The following CDH13 variants were observed in gnomAD, a reference collection of about 807,000 sequenced individuals.
The protein encoded by CDH13 is cadherin 13, also known as cadherin-13.
In CDH13, 24 loss-of-function variants were observed where a neutral mutation model predicts 63.8. The observed-to-expected ratio is 0.38, with a 90% CI of 0.27 to 0.53. CDH13 has a LOEUF of 0.53. Ranked by LOEUF, CDH13 falls within the 20% of genes least tolerant of loss-of-function variation. The probability of loss-of-function intolerance (pLI) is 0.85; values close to 1 mark genes in which losing one functional copy is unlikely to be tolerated. For synonymous variants in CDH13, 503 were observed against 355.3 expected (o/e 1.42, Z -4.67); for missense variants, 1,049 against 903.1 (o/e 1.16, Z -2.07).
intron 7 of CDH13, among the ~76,000 whole-genome samples, chr16:83,586,987 G>A (rs573089189): frequency 6.6e-6 from 1 of 152,248 alleles, no homozygotes; most frequent in South Asian, 2.1e-4. Context: ...CCTGTCCATG[G>A]CTAGAGTGGG....
At position 83,219,609 on chromosome 16, in the gene CDH13, A is replaced by G. The variant is rs536028203; in HGVS notation, c.636+2112A>G. Among the ~76,000 whole-genome samples the G allele has an allele frequency of 3.3e-5, 5 of 152,350 alleles. No individual in the cohort carries two copies. In the South Asian group the frequency reaches 1.0e-3, roughly 32 times the overall value. ...AATCAATGATATTAAAGGTGAAGGA[A>G]GGTAAGTGAAAACCCAAAGGATTCC... is the stretch of plus-strand genomic sequence containing the variant. On this transcript the variant is annotated intron_variant, in intron 5 of 13. Transcript: ENST00000567109.
At chr16:82,957,925 T>C (rs186066864) in intron 2 of CDH13, among the ~76,000 whole-genome samples, 47 of 152,376 alleles carry the variant, frequency 3.1e-4, no homozygotes, top group Middle Eastern at 3.4e-3. Flanking sequence ...CCAGTGTTTA[T>C]TTCTTCATAA....
chr16:82,631,589 C>G (rs751056108), intron 1 of CDH13, among the ~76,000 whole-genome samples: 22 of 151,742 alleles, frequency 1.4e-4, no homozygotes, highest in Admixed American at 4.6e-4. Flanking sequence ...AATATAATTC[C>G]CCACAGCCCG....
At chr16:83,779,382 G>A (rs1348513258) in intron 11 of CDH13, among the ~76,000 whole-genome samples, 2 of 118,052 alleles carry the variant, frequency 1.7e-5, no homozygotes, top group Non-Finnish European at 3.2e-5. Flanking sequence ...ACTCCAGCCC[G>A]GGCGACAGCG....
At chr16:83,497,649 C>G (rs2074177443) in intron 7 of CDH13, among the ~76,000 whole-genome samples, 1 of 151,356 alleles carries the variant, frequency 6.6e-6, no homozygotes, top group African/African-American at 2.4e-5. Flanking sequence ...TACCCTAAAA[C>G]TTTAATAAAA....
chr16:83,227,256 A>C (rs967199762), intron 5 of CDH13, among the ~76,000 whole-genome samples: 1 of 152,190 alleles, frequency 6.6e-6, no homozygotes, highest in Non-Finnish European at 1.5e-5. Flanking sequence ...CACCTGTAGC[A>C]CTGTGGCATG....
At chr16:83,050,726 C>T (rs369333092) in intron 3 of CDH13, among the ~76,000 whole-genome samples, 15 of 152,100 alleles carry the variant, frequency 9.9e-5, no homozygotes, top group Non-Finnish European at 2.1e-4. Context: ...TTTCACTTGC[C>T]TCTCGGGGTT....
intron 3 of CDH13, among the ~76,000 whole-genome samples, chr16:83,092,397 T>A (rs571847295): frequency 4.6e-5 from 7 of 152,236 alleles, no homozygotes; most frequent in Non-Finnish European, 8.8e-5. Flanking sequence ...GGACACATTT[T>A]CATGAGGCAA....
At chr16:83,527,404 T>A (rs1029860733) in intron 7 of CDH13, among the ~76,000 whole-genome samples, 5 of 150,960 alleles carry the variant, frequency 3.3e-5, no homozygotes. Flanking sequence ...AGCCGAGATC[T>A]GGCCACTGCA....
chr16:83,452,054 G>A (rs60201572), intron 6 of CDH13, among the ~76,000 whole-genome samples: 15,925 of 151,986 alleles, frequency 0.1, 2,627 homozygotes, highest in African/African-American at 0.35. Context: ...TCATCTGCCC[G>A]GTCAGCCCTA....
At chr16:83,441,195 A>G (rs1211198837) in intron 6 of CDH13, among the ~76,000 whole-genome samples, 1 of 151,954 alleles carries the variant, frequency 6.6e-6, no homozygotes, top group African/African-American at 2.4e-5. Flanking sequence ...TCTTCCAGAG[A>G]CTCCTCTCGC....
chr16:83,519,207 A>G (rs1296983059), intron 7 of CDH13, among the ~76,000 whole-genome samples: 3 of 152,168 alleles, frequency 2.0e-5, no homozygotes, highest in Non-Finnish European at 2.9e-5. Flanking sequence ...AAGGAGAAAT[A>G]CCAGGAGTCT....
chr16:82,842,119 T>TAC (rs2039044222), intron 1 of CDH13, among the ~76,000 whole-genome samples: 1 of 46,494 alleles, frequency 2.2e-5, no homozygotes, highest in Non-Finnish European at 5.1e-5. Context: ...TATGTATATA[T>TAC]ATATATATAT....
At chr16:83,112,850 T>C (rs1293324292) in intron 3 of CDH13, among the ~76,000 whole-genome samples, 1 of 152,228 alleles carries the variant, frequency 6.6e-6, no homozygotes, top group South Asian at 2.1e-4. Context: ...TTCTCAACTT[T>C]ATAGTCAGTA....
intron 1 of CDH13, among the ~76,000 whole-genome samples, chr16:82,747,354 T>G (rs2034222531): frequency 6.6e-6 from 1 of 152,234 alleles, no homozygotes; most frequent in African/African-American, 2.4e-5. Flanking sequence ...AAGTATGCAC[T>G]TTAAAGTTTG....
intron 10 of CDH13, among the ~76,000 whole-genome samples, chr16:83,713,680 A>G (rs1908433550): frequency 6.6e-6 from 1 of 152,140 alleles, no homozygotes; most frequent in Admixed American, 6.5e-5. Context: ...TATCTCACAT[A>G]ACTGGGAGAT....
chr16:83,547,702 G>C (rs1011023334), intron 7 of CDH13, among the ~76,000 whole-genome samples: 3 of 152,190 alleles, frequency 2.0e-5, no homozygotes, highest in Non-Finnish European at 4.4e-5. Context: ...GTCTACAGTT[G>C]ATGGGCATTT....
chr16:83,792,690 G>A (rs1054760927), intron 13 of CDH13, among the ~76,000 whole-genome samples: 2 of 152,170 alleles, frequency 1.3e-5, no homozygotes, highest in African/African-American at 2.4e-5. Flanking sequence ...ACCCCACTCT[G>A]CTCTCTAACC....
rs758199647 is a variant in CDH13, at chr16:83,032,123, G to A, written c.271G>A (p.Gly91Ser). ...TGCTCTGAGAAACATAACTGCAGTGGGCAAAACTCTGTTCGTCCATGCACG... is the reference window on the plus strand; with the variant it reads ...TGCTCTGAGAAACATAACTGCAGTGAGCAAAACTCTGTTCGTCCATGCACG... ...LVALRNITAV[G>S]KTLFVHARTP... Residue 91 changes from glycine (G) to serine (S), a missense_variant, in exon 3 of 14, where the codon GGC becomes AGC. Coordinates refer to ENST00000567109, the MANE Select transcript of CDH13 (RefSeq NM_001257.5). 5 of 1,613,538 alleles carry A rather than the reference G, an allele frequency of 3.1e-6. No homozygotes were observed. The highest frequency in any genetic ancestry group is 2.2e-5 in the South Asian group (2 of 90,968).
Sources: gnomAD v4.1 joint callset for allele counts (sites outside exome capture counted in the v4.1 genomes callset) on GRCh38, gnomAD v4.1.1 for gene constraint, MANE v1.5 for transcripts, NCBI Gene and HGNC (gene_info 2026-07-23, HGNC 2026-07-21) for gene names.